Variants in GPHN observed in about 807,000 individuals in gnomAD.
GPHN encodes gephyrin.
GPHN carries 17 observed loss-of-function variants against 95.5 expected under a neutral mutation model. The observed-to-expected ratio is 0.18, with a 90% CI of 0.12 to 0.27. GPHN has a LOEUF of 0.27. Ranked by LOEUF, GPHN falls within the 10% of genes least tolerant of loss-of-function variation. The pLI, the probability that GPHN is intolerant of heterozygous loss-of-function variation, is 1.00. For missense variants in GPHN, 660 were observed against 978.1 expected (o/e 0.67, Z 4.34); for synonymous variants, 320 against 322.5 (o/e 0.99, Z 0.08).
the GPHN span, among the ~76,000 whole-genome samples, chr14:67,671,031 C>G: frequency 4.6e-5 from 7 of 152,240 alleles, no homozygotes; most frequent in East Asian, 9.6e-4. Context: ...GATGTGGTCT[C>G]TGAACTAGAA....
intron 1 of GPHN, among the ~76,000 whole-genome samples, chr14:66,566,894 A>G (rs575404246): frequency 2.6e-5 from 4 of 152,178 alleles, no homozygotes; most frequent in Non-Finnish European, 5.9e-5. Context: ...TTTGGAGTAT[A>G]GATTTGGCTG....
the GPHN span, among the ~76,000 whole-genome samples, chr14:67,355,990 C>T: frequency 1.3e-5 from 2 of 151,966 alleles, no homozygotes; most frequent in African/African-American, 4.8e-5. Flanking sequence ...GAGCAAGACT[C>T]GGTCTCAAAA....
the GPHN span, among the ~76,000 whole-genome samples, chr14:67,311,457 T>C: frequency 6.6e-6 from 1 of 152,146 alleles, no homozygotes; most frequent in Non-Finnish European, 1.5e-5. Context: ...ACTGCAAATA[T>C]GTGGGCAGAA....
At chr14:67,032,861 GCA>G (rs2153631545) in intron 10 of GPHN, among the ~76,000 whole-genome samples, 1 of 152,048 alleles carries the variant, frequency 6.6e-6, no homozygotes, top group South Asian at 2.1e-4. Flanking sequence ...AAATCACAAA[GCA>G]CACCAAGAAA....
At chr14:67,367,577 C>T in the GPHN span, among the ~76,000 whole-genome samples, 2 of 152,256 alleles carry the variant, frequency 1.3e-5, no homozygotes, top group Non-Finnish European at 2.9e-5. Context: ...TCAGCATTCT[C>T]ATAAATACGG....
chr14:66,735,137 C>T (rs575140967), intron 2 of GPHN, among the ~76,000 whole-genome samples: 2 of 152,238 alleles, frequency 1.3e-5, no homozygotes, highest in East Asian at 3.9e-4. Context: ...CCCACACCTC[C>T]CAAACTGTGC....
chr14:66,576,259 C>T (rs2060895931), intron 1 of GPHN, among the ~76,000 whole-genome samples: 1 of 152,090 alleles, frequency 6.6e-6, no homozygotes, highest in Non-Finnish European at 1.5e-5. Flanking sequence ...AGGAGCTGGC[C>T]TGGTACTGGT....
chr14:67,378,624 C>T, the GPHN span, among the ~76,000 whole-genome samples: 1 of 152,176 alleles, frequency 6.6e-6, no homozygotes, highest in Non-Finnish European at 1.5e-5. Flanking sequence ...CTTAACTTGT[C>T]TCAACTGTCA....
chr14:67,174,718 T>A (rs974023804), intron 21 of GPHN, among the ~76,000 whole-genome samples: 1 of 152,216 alleles, frequency 6.6e-6, no homozygotes, highest in African/African-American at 2.4e-5. Flanking sequence ...GTGTTCCTAT[T>A]TCTCCACATC....
At chr14:67,657,786 TCGCCCGGG>T in the GPHN span, among the ~76,000 whole-genome samples, 1 of 150,906 alleles carries the variant, frequency 6.6e-6, no homozygotes, top group Non-Finnish European at 1.5e-5. Context: ...TCTCGCTCTG[TCGCCCGGG>T]CTGGAGTGGA....
At chr14:66,614,882 A>G (rs1196595127) in intron 1 of GPHN, among the ~76,000 whole-genome samples, 3 of 151,866 alleles carry the variant, frequency 2.0e-5, no homozygotes, top group Non-Finnish European at 4.4e-5. Context: ...TCATCACCCA[A>G]CAGGTCCTGG....
chr14:67,356,433 AC>A, the GPHN span, among the ~76,000 whole-genome samples: 41 of 126,312 alleles, frequency 3.2e-4, no homozygotes, highest in African/African-American at 1.5e-3. Flanking sequence ...AAAAACAAAA[AC>A]AAAAAAAAAA....
the GPHN span, among the ~76,000 whole-genome samples, chr14:67,442,266 C>G: frequency 6.6e-6 from 1 of 152,128 alleles, no homozygotes; most frequent in Admixed American, 6.5e-5. Context: ...GGTCAACCCA[C>G]TGAACCAAGG....
chr14:67,244,422 T>A, the GPHN span, among the ~76,000 whole-genome samples: 3 of 152,254 alleles, frequency 2.0e-5, no homozygotes, highest in African/African-American at 7.2e-5. Flanking sequence ...CATCGTAAGA[T>A]TTTAAAATTT....
rs147901977 is a variant in GPHN at position 66,688,215 on chromosome 14, G to A, written c.143+7030G>A. Among the ~76,000 whole-genome samples the A allele has an allele frequency of 3.9e-3, 589 of 152,266 alleles. 3 individuals carry two copies. The highest frequency in any genetic ancestry group is 0.014 in the Middle Eastern group (4 of 294). On this transcript the variant is annotated intron_variant, in intron 2 of 22. Transcript: ENST00000478722. Reference sequence around the variant, plus strand: ...TAAGTCAAAGTAGATCAAGATATAAGTCTTTATGCTTTTCATCTTCACATT... The same window carrying A: ...TAAGTCAAAGTAGATCAAGATATAAATCTTTATGCTTTTCATCTTCACATT...
At chr14:66,560,075 C>T (rs1168745598) in intron 1 of GPHN, among the ~76,000 whole-genome samples, 4 of 152,012 alleles carry the variant, frequency 2.6e-5, no homozygotes, top group Non-Finnish European at 5.9e-5. Context: ...TTTCTGAGGG[C>T]TCCGTTCTGT....
intron 1 of GPHN, among the ~76,000 whole-genome samples, chr14:66,676,616 T>G (rs973696215): frequency 1.3e-5 from 2 of 152,048 alleles, no homozygotes; most frequent in Admixed American, 6.5e-5. Flanking sequence ...TCTATTGATT[T>G]TTATATGTTG....
chr14:66,623,606 A>G (rs1391613041), intron 1 of GPHN, among the ~76,000 whole-genome samples: 3 of 134,218 alleles, frequency 2.2e-5, no homozygotes, highest in African/African-American at 9.2e-5. Context: ...TGTTGGAGTG[A>G]GACTCTGTTT....
the GPHN span, among the ~76,000 whole-genome samples, chr14:67,433,112 A>T: frequency 6.6e-6 from 1 of 152,204 alleles, no homozygotes; most frequent in Admixed American, 6.5e-5. Context: ...TTCCTTAACC[A>T]GCCATGTCCC....
Sources: allele counts gnomAD v4.1 joint callset (sites outside exome capture counted in the v4.1 genomes callset), GRCh38; gene constraint gnomAD v4.1.1; transcripts MANE v1.5; gene names NCBI Gene and HGNC (gene_info 2026-07-23, HGNC 2026-07-21).